Variants in RELN observed in about 807,000 individuals in gnomAD.
The protein encoded by RELN is reelin.
Under a neutral mutation model 427.6 loss-of-function variants are expected in RELN, and 108 were observed. That is an observed-to-expected ratio of 0.25 (90% CI 0.22 to 0.30). The LOEUF (loss-of-function observed/expected upper bound fraction) is 0.30, where lower values mean the gene tolerates loss of function less well. Among genes scored for constraint, RELN ranks in the 10% least tolerant of loss-of-function variants. The pLI, the probability that RELN is intolerant of heterozygous loss-of-function variation, is 1.00. For synonymous variants in RELN, 1,524 were observed against 1,513.4 expected, an observed-to-expected ratio of 1.01 and a Z score of -0.16; for missense variants, 3,715 against 4,302.8, an observed-to-expected ratio of 0.86 and a Z score of 3.82.
In RELN at chr7:103,759,488, T is replaced by C. The variant is rs187368429; in HGVS notation, c.545-6274A>G. Among the ~76,000 whole-genome samples, 144 of 152,294 alleles carry C rather than the reference T, an allele frequency of 9.5e-4. 1 individual carries two copies. Among genetic ancestry groups the C allele is most frequent in the Middle Eastern group, 3.4e-3 (1 of 294 alleles). ...AGAAAAAGTGCATACTGATGCTTTT[T>C]TGAATAAATGATGGAAAGCTCTTAG... On this transcript the variant is annotated intron_variant, in intron 4 of 64. Coordinates refer to ENST00000428762, the MANE Select transcript of RELN (RefSeq NM_005045.4).
chr7:103,815,617 T>C (rs1014478178), intron 3 of RELN, among the ~76,000 whole-genome samples: 1 of 152,222 alleles, frequency 6.6e-6, no homozygotes, highest in African/African-American at 2.4e-5. Context: ...ATTAGCATTA[T>C]GAGCTGTGAA....
intron 13 of RELN, 46 bp downstream of exon 13, chr7:103,654,047 G>T: frequency 9.5e-7 from 1 of 1,057,836 alleles, no homozygotes; most frequent in Non-Finnish European, 1.5e-6. Flanking sequence ...GGCTTGTCCA[G>T]GGTGGTCTGA....
chr7:103,669,086 C>T (rs34358617), intron 11 of RELN, among the ~76,000 whole-genome samples: 1,545 of 151,996 alleles, frequency 0.01, 24 homozygotes, highest in African/African-American at 0.035. Flanking sequence ...TGATTCAGAC[C>T]GTATAATAAC....
intron 2 of RELN, 103 bp downstream of exon 2, chr7:103,916,972 G>T: frequency 1.1e-6 from 1 of 886,598 alleles, no homozygotes. Flanking sequence ...TTATTTTCTT[G>T]GAAGTAATAA....
chr7:103,938,228 G>A (rs1452258398), intron 1 of RELN, among the ~76,000 whole-genome samples: 1 of 152,116 alleles, frequency 6.6e-6, no homozygotes, highest in East Asian at 1.9e-4. Flanking sequence ...GGCTGAGGAG[G>A]AGAATCGCTT....
intron 20 of RELN, among the ~76,000 whole-genome samples, chr7:103,616,387 C>T (rs933446414): frequency 2.2e-4 from 34 of 152,174 alleles, no homozygotes; most frequent in African/African-American, 7.9e-4. Flanking sequence ...GAAACGTTTA[C>T]TAGATTAGGC....
chr7:103,696,329 G>A (rs1833975601), intron 10 of RELN, among the ~76,000 whole-genome samples: 1 of 152,092 alleles, frequency 6.6e-6, no homozygotes, highest in African/African-American at 2.4e-5. Context: ...TCTCCGGGCA[G>A]GCAAGCCCAT....
At chr7:103,820,265 G>A (rs1010765231) in intron 3 of RELN, among the ~76,000 whole-genome samples, 20 of 151,922 alleles carry the variant, frequency 1.3e-4, no homozygotes, top group Admixed American at 9.2e-4. Flanking sequence ...AATCATCAAC[G>A]CCATAGTTGG....
intron 10 of RELN, among the ~76,000 whole-genome samples, chr7:103,683,350 G>A (rs1376537045): frequency 6.6e-6 from 1 of 151,962 alleles, no homozygotes; most frequent in African/African-American, 2.4e-5. Context: ...AATGAATGAG[G>A]GAATGACATG....
At chr7:103,889,816 C>T (rs1438654163) in intron 2 of RELN, among the ~76,000 whole-genome samples, 1 of 152,132 alleles carries the variant, frequency 6.6e-6, no homozygotes, top group Admixed American at 6.5e-5. Flanking sequence ...AGCACCAACC[C>T]TAAAATCCTA....
rs1346257735 is a variant in RELN, at chr7:103,472,796, T to C, written c.*16A>G. On this transcript the variant is annotated 3_prime_UTR_variant, in exon 65 of 65. Transcript: ENST00000428762. ...ACATCACATGTTGGAAGAAAAAAAATAAACTTTTTGATTCTTCATGGGTAT... is the reference window on the plus strand; with the variant it reads ...ACATCACATGTTGGAAGAAAAAAAACAAACTTTTTGATTCTTCATGGGTAT... 7.5e-6 allele frequency: 12 copies of C among 1,594,056 alleles called. No individual in the cohort carries two copies. The highest frequency in any genetic ancestry group is 1.0e-5 in the Non-Finnish European group (12 of 1,161,862).
At chr7:103,507,656 A>G (rs1829260388) in intron 51 of RELN, among the ~76,000 whole-genome samples, 1 of 152,230 alleles carries the variant, frequency 6.6e-6, no homozygotes, top group South Asian at 2.1e-4. Context: ...TTCAAAAGCT[A>G]GCAGAAGACA....
At chr7:103,601,120 G>A (rs571995633) in intron 24 of RELN, among the ~76,000 whole-genome samples, 1 of 152,078 alleles carries the variant, frequency 6.6e-6, no homozygotes, top group East Asian at 1.9e-4. Flanking sequence ...TAAAATGTGT[G>A]TGTGTGTGTG....
intron 2 of RELN, among the ~76,000 whole-genome samples, chr7:103,879,069 G>A (rs573308998): frequency 1.1e-4 from 16 of 152,136 alleles, no homozygotes; most frequent in Non-Finnish European, 1.9e-4. Context: ...GTAAACTATT[G>A]TTAACTACAT....
At chr7:103,518,113 G>A (rs892606194) in intron 49 of RELN, among the ~76,000 whole-genome samples, 2 of 152,124 alleles carry the variant, frequency 1.3e-5, no homozygotes, top group African/African-American at 4.8e-5. Flanking sequence ...TGCTTGCGGA[G>A]CCACTACAGT....
At chr7:103,752,866 G>T (rs1182228611) in intron 5 of RELN, among the ~76,000 whole-genome samples, 2 of 151,892 alleles carry the variant, frequency 1.3e-5, no homozygotes, top group African/African-American at 2.4e-5. Flanking sequence ...ATTTATGATG[G>T]GCATCTAGTA....
chr7:103,771,637 C>G (rs1198848210), intron 4 of RELN, among the ~76,000 whole-genome samples: 1 of 152,124 alleles, frequency 6.6e-6, no homozygotes, highest in Non-Finnish European at 1.5e-5. Context: ...CTTCTCTGTT[C>G]CTGGCATCAA....
chr7:103,909,340 C>A (rs1223668255), intron 2 of RELN, among the ~76,000 whole-genome samples: 1 of 151,574 alleles, frequency 6.6e-6, no homozygotes, highest in Non-Finnish European at 1.5e-5. Context: ...TTTCTATGTT[C>A]AGTGAAAAAT....
rs573809159 is a variant in RELN at position 103,948,630 on chromosome 7, G to A, written c.227-31445C>T. Among the ~76,000 whole-genome samples the A allele has an allele frequency of 7.9e-5, 12 of 152,170 alleles. No homozygotes were observed. The East Asian group carries it at 1.9e-3, about 25-fold the overall frequency. On this transcript the variant is annotated intron_variant, in intron 1 of 64. Coordinates refer to ENST00000428762, the MANE Select transcript of RELN (RefSeq NM_005045.4). ...GGAGGTTGCAGTGAGCTGAGATCACGCCCCTGGACTCTAGCCTGGCAACAG... is the reference window on the plus strand; with the variant it reads ...GGAGGTTGCAGTGAGCTGAGATCACACCCCTGGACTCTAGCCTGGCAACAG...
Sources: gnomAD v4.1 joint callset for allele counts (sites outside exome capture counted in the v4.1 genomes callset) on GRCh38, gnomAD v4.1.1 for gene constraint, MANE v1.5 for transcripts, NCBI Gene and HGNC (gene_info 2026-07-23, HGNC 2026-07-21) for gene names.